NCBP3: variants seen among roughly 807,000 people sequenced by gnomAD.
NCBP3 encodes the protein nuclear cap-binding protein subunit 3.
In NCBP3, 20 loss-of-function variants were observed where a neutral mutation model predicts 75.7. That is an observed-to-expected ratio of 0.26 (90% CI 0.19 to 0.38). The LOEUF (loss-of-function observed/expected upper bound fraction) is 0.38, where lower values mean the gene tolerates loss of function less well. Ranked by LOEUF, NCBP3 falls within the 10% of genes least tolerant of loss-of-function variation. The pLI is 1.00. For synonymous variants in NCBP3, 293 were observed against 290.5 expected (o/e 1.01, Z -0.09); for missense variants, 678 against 796.9 (o/e 0.85, Z 1.80).
intron 1 of NCBP3, among the ~76,000 whole-genome samples, chr17:3,844,789 G>A (rs2054131448): frequency 6.6e-6 from 1 of 152,212 alleles, no homozygotes; most frequent in Non-Finnish European, 1.5e-5. Context: ...GGCGGAGGTT[G>A]CGGTGAGCCA....
At chr17:3,825,901 T>A in intron 5 of NCBP3, 58 bp from the exon 6 acceptor site, 1 of 1,446,396 alleles carries the variant, frequency 6.9e-7, no homozygotes, top group South Asian at 1.2e-5. Context: ...TATAATGAGA[T>A]ACAAGATGAA....
intron 7 of NCBP3, 118 bp from the exon 8 acceptor site, chr17:3,822,170 G>GT: frequency 1.4e-6 from 1 of 700,092 alleles, no homozygotes; most frequent in East Asian, 2.6e-5. Context: ...CCAACAAAAA[G>GT]TAAAAATCCA....
intron 4 of NCBP3, among the ~76,000 whole-genome samples, chr17:3,827,491 A>G (rs1253036805): frequency 2.6e-5 from 4 of 152,376 alleles, no homozygotes; most frequent in Non-Finnish European, 5.9e-5. Flanking sequence ...TGTAGCAACT[A>G]ATTTAATGTG....
rs370696957 is a variant in NCBP3, at chr17:3,813,069, C to A, written c.1838G>T (p.Ser613Ile). The A allele has an allele frequency of 5.6e-6, 9 of 1,614,196 alleles. No individual in the cohort carries two copies. In the African/African-American group the frequency reaches 1.2e-4, roughly 22 times the overall value. The change falls in exon 13 of 13, where the codon AGC (serine) becomes ATC (isoleucine). Residue 613 changes from serine (S) to isoleucine (I), a missense_variant. Physicochemically the swap from Ser to Ile is moderately radical, Grantham distance 142. Coordinates refer to ENST00000389005, the MANE Select transcript of NCBP3 (RefSeq NM_001114118.3). ...SLQIEVSRES[S>I]SGSEAES ...TCAGGACTCTGCCTCTGAACCAGAG[C>A]TGCTTTCCCGACTAACTTCAATCTG...
At chr17:3,815,829 A>G (rs1356891730) in intron 11 of NCBP3, among the ~76,000 whole-genome samples, 12 of 152,102 alleles carry the variant, frequency 7.9e-5, no homozygotes, top group African/African-American at 2.9e-4. Flanking sequence ...GCATCAATGG[A>G]TTTTGGTATC....
chr17:3,816,917 C>T (rs2053543941), intron 10 of NCBP3, among the ~76,000 whole-genome samples: 2 of 152,120 alleles, frequency 1.3e-5, no homozygotes, highest in South Asian at 4.1e-4. Flanking sequence ...CTCCCAGCTC[C>T]CCGGGAGGCT....
chr17:3,821,426 T>A, intron 8 of NCBP3, 74 bp from the exon 9 acceptor site: 1 of 1,216,100 alleles, frequency 8.2e-7, no homozygotes, highest in Non-Finnish European at 1.2e-6. Flanking sequence ...TTTCTTTCTC[T>A]TTTCTTTTTT....
In NCBP3 at chr17:3,812,528, C is replaced by T. The variant is rs544473567; in HGVS notation, c.*516G>A. On this transcript the variant is annotated 3_prime_UTR_variant, in exon 13 of 13. Coordinates refer to ENST00000389005, the MANE Select transcript of NCBP3 (RefSeq NM_001114118.3). Reference sequence around the variant, plus strand: ...ACTGGTGCACCTCTGAGGTCAGGTCCGTGAGATTCGCCCCACACTAGGGTC... The same window carrying T: ...ACTGGTGCACCTCTGAGGTCAGGTCTGTGAGATTCGCCCCACACTAGGGTC... The T allele has an allele frequency of 1.7e-3, 1,703 of 1,001,512 alleles. 3 individuals carry two copies. The highest frequency in any genetic ancestry group is 1.9e-3 in the Non-Finnish European group (1,577 of 839,404). 62.0% of individuals were successfully genotyped at this position (1,001,512 alleles called of 1,614,324 possible). A position where few individuals can be genotyped will look rare whatever the true frequency, so the allele number is the denominator to read the frequency against.
chr17:3,822,278 A>C (rs1009081973), intron 7 of NCBP3: 23 of 420,072 alleles, frequency 5.5e-5, no homozygotes, highest in Non-Finnish European at 8.0e-5. Context: ...TGCTGTTTGG[A>C]GCCAGATGAC....
chr17:3,810,631 T>C lies in NCBP3; in HGVS notation c.*2413A>G, dbSNP rs887058051. 3 of 152,180 alleles carry C rather than the reference T, an allele frequency of 2.0e-5. No homozygotes were observed. The highest frequency in any genetic ancestry group is 7.2e-5 in the African/African-American group (3 of 41,434). The allele number at this position is 152,180 out of a possible 1,614,324, so 9.4% of individuals were successfully genotyped here. ...AGGACACACTCAAGATGTTGCAAGA[T>C]CTGAGTGACTGAGAGTGGGCAGGAG... is the stretch of plus-strand genomic sequence containing the variant. On this transcript the variant is annotated 3_prime_UTR_variant, in exon 13 of 13. Coordinates refer to ENST00000389005, the MANE Select transcript of NCBP3 (RefSeq NM_001114118.3).
intron 3 of NCBP3, among the ~76,000 whole-genome samples, chr17:3,829,873 T>A (rs1271079052): frequency 6.6e-6 from 1 of 152,048 alleles, no homozygotes; most frequent in Non-Finnish European, 1.5e-5. Context: ...GCAAAGGACA[T>A]GAGTAAGCAA....
At position 3,814,480 on chromosome 17, in the gene NCBP3, A is replaced by G. The variant is rs781440938; in HGVS notation, c.1469T>C (p.Ile490Thr). 5.0e-6 allele frequency: 8 copies of G among 1,613,998 alleles called. No homozygotes were observed. The highest frequency in any genetic ancestry group is 4.0e-5 in the African/African-American group (3 of 75,024). Residue 490 changes from isoleucine (I) to threonine (T), a missense_variant, in exon 12 of 13, where the codon ATA becomes ACA. Ile to Thr is a moderately conservative substitution (Grantham distance 89). Around this residue, in one of 7 missense-constraint regions of NCBP3, gnomAD observed 365 missense variants for 392.7 expected, o/e 0.93. Transcript: ENST00000389005. ...TGGTCTTTTTCCTAACCGCTGGCGT[A>G]TATCTGAAAAAAGAGAAAAAGTGCA... ...RPPVSSTKSD[I>T]RQRLGKRPHS...
intron 1 of NCBP3, 105 bp from the exon 2 acceptor site, chr17:3,843,256 T>C (rs2143722355): frequency 1.1e-6 from 1 of 918,376 alleles, no homozygotes; most frequent in African/African-American, 1.7e-5. Context: ...TTTTTTTTTT[T>C]TTTGTTGGTG....
rs2053346533 is a variant in NCBP3 at position 3,807,293 on chromosome 17, T to A, written c.*5751A>T. On this transcript the variant is annotated 3_prime_UTR_variant, in exon 13 of 13. Transcript: ENST00000389005. ...AGATGAATGCTTTTCTAAAAAATAT[T>A]TTGGACCATCTGCATGATTCCCTAG... The A allele has an allele frequency of 6.6e-6, 1 of 152,204 alleles. No individual in the cohort carries two copies. Among genetic ancestry groups the A allele is most frequent in the African/African-American group, 2.4e-5 (1 of 41,450 alleles). The allele number at this position is 152,204 out of a possible 1,614,324, so 9.4% of individuals were successfully genotyped here.
At chr17:3,830,324 T>C (rs1192307524) in intron 3 of NCBP3, among the ~76,000 whole-genome samples, 1 of 152,164 alleles carries the variant, frequency 6.6e-6, no homozygotes, top group East Asian at 1.9e-4. Flanking sequence ...ATCCACATTA[T>C]AAAATATTAT....
chr17:3,813,559 G>A lies in NCBP3; in HGVS notation c.1628-280C>T, dbSNP rs190430651. On this transcript the variant is annotated intron_variant, in intron 12 of 12. Transcript: ENST00000389005. ...ACACATCAGAATCACCTGAGAGGCC[G>A]TTTCCTCCTACTCCTGCCCTTCCCT... 7.2e-5 allele frequency among the ~76,000 whole-genome samples: 11 copies of A among 152,282 alleles called. No homozygotes were observed. The East Asian group carries it at 1.7e-3, about 24-fold the overall frequency.
intron 10 of NCBP3, among the ~76,000 whole-genome samples, 197 bp from the exon 11 acceptor site, chr17:3,816,467 T>C (rs1224725196): frequency 1.3e-5 from 2 of 152,264 alleles, no homozygotes; most frequent in African/African-American, 4.8e-5. Flanking sequence ...AGACTGGTTC[T>C]GGTGAGCAGG....
chr17:3,813,231 T>C lies in NCBP3; in HGVS notation c.1676A>G (p.Asn559Ser), dbSNP rs772189655. Residue 559 changes from asparagine (N) to serine (S), a missense_variant, in exon 13 of 13, where the codon AAT becomes AGT. Physicochemically the swap from Asn to Ser is conservative, Grantham distance 46. This residue lies in a region of NCBP3 where 365 missense variants were observed against 392.7 expected (regional missense o/e 0.93). Coordinates refer to ENST00000389005, the MANE Select transcript of NCBP3 (RefSeq NM_001114118.3). ...CGCCCTGTGATCCACTTTCTTCGTA[T>C]TCTTTTCTTTGGTCTTGGGTGCAGA... The part of the protein sequence containing the change: ...LGSAPKTKEK[N>S]TKKVDHRAPG... 2 of 1,614,270 alleles carry C rather than the reference T, an allele frequency of 1.2e-6. No homozygotes were observed. The highest frequency in any genetic ancestry group is 2.2e-5 in the South Asian group (2 of 91,090).
At chr17:3,830,545 G>A (rs895612193) in intron 3 of NCBP3, among the ~76,000 whole-genome samples, 3 of 152,194 alleles carry the variant, frequency 2.0e-5, no homozygotes, top group East Asian at 1.9e-4. Flanking sequence ...AGGCAGAAAG[G>A]TTGAAGGCTA....
Sources: allele counts gnomAD v4.1 joint callset (sites outside exome capture counted in the v4.1 genomes callset), GRCh38; gene constraint gnomAD v4.1.1; regional missense constraint gnomAD v4.1.1; transcripts MANE v1.5; gene names NCBI Gene and HGNC (gene_info 2026-07-23, HGNC 2026-07-21).